The following TMEM131L variants were observed in gnomAD, a reference collection of about 807,000 sequenced individuals.
TMEM131L encodes the protein transmembrane 131 like, also known as transmembrane protein 131-like.
A neutral mutation model predicts 192.2 loss-of-function variants in TMEM131L; 54 were observed. The ratio of observed to expected loss-of-function variants is 0.28; its 90% CI spans 0.23 to 0.35. The LOEUF (loss-of-function observed/expected upper bound fraction) is 0.35, where lower values mean the gene tolerates loss of function less well. TMEM131L is among the 10% of genes least tolerant of loss of function. The probability of loss-of-function intolerance (pLI) is 1.00; values close to 1 mark genes in which losing one functional copy is unlikely to be tolerated. For missense variants in TMEM131L, 1,888 were observed against 1,972.9 expected (o/e 0.96, Z 0.82); for synonymous variants, 701 against 704.9 (o/e 0.99, Z 0.09).
intron 7 of TMEM131L, among the ~76,000 whole-genome samples, chr4:153,574,550 C>CA (rs551277283): frequency 6.6e-6 from 1 of 152,284 alleles, no homozygotes; most frequent in South Asian, 2.1e-4. Context: ...CTGGAGCAGT[C>CA]AGATGGCTTA....
chr4:153,617,582 G>A (rs922873417), intron 26 of TMEM131L, among the ~76,000 whole-genome samples: 2 of 152,092 alleles, frequency 1.3e-5, no homozygotes, highest in African/African-American at 4.8e-5. Flanking sequence ...TTTGTAGAAG[G>A]CTGAAAAACA....
At chr4:153,618,701 C>T (rs936605845) in intron 26 of TMEM131L, among the ~76,000 whole-genome samples, 2 of 151,690 alleles carry the variant, frequency 1.3e-5, no homozygotes, top group African/African-American at 4.8e-5. Context: ...GTTTAGCCTC[C>T]GAGATATACT....
At chr4:153,483,041 G>GAA (rs575044980) in intron 3 of TMEM131L, among the ~76,000 whole-genome samples, 2 of 149,220 alleles carry the variant, frequency 1.3e-5, no homozygotes, top group Non-Finnish European at 3.0e-5. Context: ...TAAGAATTTT[G>GAA]AAAAAAAAAT....
chr4:153,595,527 A>G (rs116362392), intron 19 of TMEM131L, among the ~76,000 whole-genome samples: 1 of 152,296 alleles, frequency 6.6e-6, no homozygotes, highest in East Asian at 1.9e-4. Context: ...GAAACATAAA[A>G]TTAAAAGTTA....
intron 3 of TMEM131L, among the ~76,000 whole-genome samples, chr4:153,475,215 C>T (rs1220695326): frequency 6.6e-6 from 1 of 152,088 alleles, no homozygotes; most frequent in Non-Finnish European, 1.5e-5. Context: ...TCTTTAGTAA[C>T]TTTGGTGGTT....
intron 25 of TMEM131L, 86 bp from the exon 26 acceptor site, chr4:153,612,165 CA>C (rs2126591139): frequency 7.4e-6 from 7 of 944,952 alleles, no homozygotes; most frequent in Non-Finnish European, 7.6e-6. Flanking sequence ...CTCATGAAGT[CA>C]AATTAGATGT....
chr4:153,541,102 G>A (rs998630037), intron 3 of TMEM131L, among the ~76,000 whole-genome samples: 12 of 152,200 alleles, frequency 7.9e-5, no homozygotes, highest in African/African-American at 2.7e-4. Context: ...TAGGAAAGAT[G>A]TCAAATCTTT....
Position 153,504,266 on chromosome 4 carries a change from C to CT in TMEM131L, c.239+30409dup, listed in dbSNP as rs531620464. ...ACGGGCGTGAGCCACCGCGGTCGGC[C>CT]TTTTTTTTTTTTTTTTTTTTTTTTT... is the stretch of plus-strand genomic sequence containing the variant. On this transcript the variant is annotated intron_variant, in intron 3 of 34. Coordinates refer to ENST00000409959, the MANE Select transcript of TMEM131L (RefSeq NM_001131007.2). 4.2e-3 allele frequency among the ~76,000 whole-genome samples: 181 copies of CT among 42,620 alleles called. 29 individuals are homozygous for CT. Among genetic ancestry groups the CT allele is most frequent in the Non-Finnish European group, 5.9e-3 (128 of 21,806 alleles). The allele number at this position is 42,620 out of a possible 152,430, so 28.0% of individuals were successfully genotyped here.
chr4:153,581,466 G>A lies in TMEM131L; in HGVS notation c.798G>A (p.Met266Ile). The change falls in exon 9 of 35, where the codon ATG becomes ATA. Residue 266 changes from methionine (M) to isoleucine (I), a missense_variant. Transcript: ENST00000409959. ...LRLQMSIMVTMENFSKEFEEN... is the reference protein window; with the variant it reads ...LRLQMSIMVTIENFSKEFEEN... The stretch of plus-strand genomic sequence containing the variant: ...TACAAATGAGCATAATGGTAACAAT[G>A]GAAAACTTTTCAAAAGAATTTGAAG... 6.3e-7 allele frequency: 1 copy of A among 1,595,602 alleles called. No homozygotes were observed. The highest frequency in any genetic ancestry group is 8.6e-7 in the Non-Finnish European group (1 of 1,169,236).
intron 3 of TMEM131L, among the ~76,000 whole-genome samples, chr4:153,535,275 G>T (rs1442881093): frequency 6.6e-6 from 1 of 152,190 alleles, no homozygotes; most frequent in Non-Finnish European, 1.5e-5. Flanking sequence ...AGTTGGGTGT[G>T]GGGGTAAGAT....
At chr4:153,612,916 GA>G (rs1256126212) in intron 26 of TMEM131L, among the ~76,000 whole-genome samples, 1 of 152,112 alleles carries the variant, frequency 6.6e-6, no homozygotes, top group Non-Finnish European at 1.5e-5. Flanking sequence ...ATCATAATGG[GA>G]ATAGGCACTT....
chr4:153,621,801 G>A lies in TMEM131L; in HGVS notation c.3811G>A (p.Ala1271Thr), dbSNP rs781643075. The change falls in exon 28 of 35, where the codon GCA becomes ACA. Residue 1271 changes from alanine (A) to threonine (T), a missense_variant. By Grantham distance (58) the Ala-to-Thr change is moderately conservative. Coordinates refer to ENST00000409959, the MANE Select transcript of TMEM131L (RefSeq NM_001131007.2). ...GGAAAGCACTAGGGAGGTTTGTAAA[G>A]CAGATGCCGAAATTGCAAGCAGTTT... Reference protein sequence around the residue: ...IQESTREVCKADAEIASSLPA... With the variant: ...IQESTREVCKTDAEIASSLPA... 6 of 1,614,198 alleles carry A rather than the reference G, an allele frequency of 3.7e-6. No homozygotes were observed. Among genetic ancestry groups the A allele is most frequent in the Non-Finnish European group, 5.1e-6 (6 of 1,180,028 alleles).
Position 153,603,317 on chromosome 4 carries a change from G to C in TMEM131L, c.2654G>C (p.Gly885Ala). The C allele has an allele frequency of 1.2e-6, 2 of 1,613,642 alleles. No individual in the cohort carries two copies. The highest frequency in any genetic ancestry group is 1.7e-6 in the Non-Finnish European group (2 of 1,179,794). ...TVFFVSLSLL[G>A]VILIAFQQAQ... ...TTCTTCCTCAGTTTGTCCCTGTTGG[G>C]TGTGATTTTAATAGCCTTCCAACAA... Residue 885 changes from glycine to alanine, a missense_variant, in exon 24 of 35, where the codon GGT (glycine) becomes GCT (alanine). By Grantham distance (60) the Gly-to-Ala change is moderately conservative. Coordinates refer to ENST00000409959, the MANE Select transcript of TMEM131L (RefSeq NM_001131007.2).
intron 7 of TMEM131L, among the ~76,000 whole-genome samples, chr4:153,573,177 G>A (rs1235239677): frequency 6.6e-6 from 1 of 152,230 alleles, no homozygotes; most frequent in Non-Finnish European, 1.5e-5. Flanking sequence ...TCACTTTTGA[G>A]TGTATGCCTA....
At chr4:153,493,439 T>G (rs1330163470) in intron 3 of TMEM131L, among the ~76,000 whole-genome samples, 1 of 150,554 alleles carries the variant, frequency 6.6e-6, no homozygotes, top group Non-Finnish European at 1.5e-5. Context: ...GGCGGGTGGA[T>G]CACAAGGTCA....
chr4:153,508,579 A>G (rs9992131), intron 3 of TMEM131L, among the ~76,000 whole-genome samples: 1 of 152,136 alleles, frequency 6.6e-6, no homozygotes, highest in East Asian at 1.9e-4. Flanking sequence ...TGTATCGTTG[A>G]TAATGTTTTC....
chr4:153,529,353 A>G (rs1197195427), intron 3 of TMEM131L, among the ~76,000 whole-genome samples: 1 of 152,238 alleles, frequency 6.6e-6, no homozygotes, highest in Non-Finnish European at 1.5e-5. Flanking sequence ...AATTTCCACT[A>G]AAATTGGCAA....
intron 7 of TMEM131L, among the ~76,000 whole-genome samples, chr4:153,578,722 A>G (rs1458721890): frequency 2.0e-5 from 3 of 151,896 alleles, no homozygotes; most frequent in African/African-American, 4.8e-5. Flanking sequence ...GGGTTTCACC[A>G]TGTTATCCAG....
chr4:153,559,676 T>G (rs909173069), intron 7 of TMEM131L, among the ~76,000 whole-genome samples: 8 of 152,062 alleles, frequency 5.3e-5, no homozygotes, highest in African/African-American at 1.9e-4. Context: ...ACCCAGGACA[T>G]CCTCATCTCT....
Sources: gnomAD v4.1 joint callset for allele counts (sites outside exome capture counted in the v4.1 genomes callset) on GRCh38, gnomAD v4.1.1 for gene constraint, MANE v1.5 for transcripts, NCBI Gene and HGNC (gene_info 2026-07-23, HGNC 2026-07-21) for gene names.